AGAP1: variants seen among roughly 807,000 people sequenced by gnomAD.
AGAP1 encodes arf-GAP with GTPase, ANK repeat and PH domain-containing protein 1.
AGAP1 carries 29 observed loss-of-function variants against 105.3 expected under a neutral mutation model. The ratio of observed to expected loss-of-function variants is 0.28; its 90% CI spans 0.21 to 0.38. The LOEUF (loss-of-function observed/expected upper bound fraction) is 0.38. Ranked by LOEUF, AGAP1 falls within the 10% of genes least tolerant of loss-of-function variation. The probability of loss-of-function intolerance (pLI) is 1.00; values close to 1 mark genes in which losing one functional copy is unlikely to be tolerated. For synonymous variants in AGAP1, 509 were observed against 485.9 expected, an observed-to-expected ratio of 1.05 and a Z score of -0.63; for missense variants, 998 against 1,165.1, an observed-to-expected ratio of 0.86 and a Z score of 2.09.
At chr2:235,629,955 TA>T (rs1457765029) in intron 1 of AGAP1, among the ~76,000 whole-genome samples, 1 of 152,136 alleles carries the variant, frequency 6.6e-6, no homozygotes, top group African/African-American at 2.4e-5. Flanking sequence ...CAGAGATTTT[TA>T]TGATGCTTTA....
Position 235,979,428 on chromosome 2 carries a change from C to T in AGAP1, c.1645+10805C>T, listed in dbSNP as rs1053151050. Among the ~76,000 whole-genome samples the T allele has an allele frequency of 2.0e-5, 3 of 152,130 alleles. No individual in the cohort carries two copies. The highest frequency in any genetic ancestry group is 6.5e-5 in the Admixed American group (1 of 15,276). On this transcript the variant is annotated intron_variant, in intron 13 of 17. Coordinates refer to ENST00000304032, the MANE Select transcript of AGAP1 (RefSeq NM_001037131.3). This position sits in a 1 kb window ranked among gnomAD's most constrained non-coding sequence, Gnocchi z 4.5. Reference sequence around the variant, plus strand: ...CGGGGTCCGATCATAGTTACTGACTCGCGCTCATTTTATCAAGATGTATTA... The same window carrying T: ...CGGGGTCCGATCATAGTTACTGACTTGCGCTCATTTTATCAAGATGTATTA...
chr2:235,598,422 T>C (rs946142065), intron 1 of AGAP1, among the ~76,000 whole-genome samples: 1 of 152,344 alleles, frequency 6.6e-6, no homozygotes, highest in African/African-American at 2.4e-5. Context: ...GTGATGTTTT[T>C]GTGACCAGAA....
In AGAP1 at chr2:236,078,688, C is replaced by T. The variant is rs1443395979; in HGVS notation, c.2114+29407C>T. Among the ~76,000 whole-genome samples the T allele has an allele frequency of 6.6e-6, 1 of 152,200 alleles. No individual in the cohort carries two copies. The highest frequency in any genetic ancestry group is 1.5e-5 in the Non-Finnish European group (1 of 68,038). On this transcript the variant is annotated intron_variant, in intron 16 of 17. Transcript: ENST00000304032. The surrounding 1 kb of genome is among the most constrained non-coding windows in gnomAD (Gnocchi z 5.3). ...GATGGGTTTCACACACGTCTGTCCC[C>T]TACCTGGCTCCTGTGGCTGGGTGCT...
chr2:235,966,324 G>A (rs1280389400), intron 12 of AGAP1, among the ~76,000 whole-genome samples: 1 of 151,032 alleles, frequency 6.6e-6, no homozygotes, highest in Non-Finnish European at 1.5e-5. Context: ...TTCCTCTGGG[G>A]ATGGAGAGAG....
intron 6 of AGAP1, among the ~76,000 whole-genome samples, chr2:235,766,345 T>A (rs1187760990): frequency 6.6e-6 from 1 of 152,196 alleles, no homozygotes; most frequent in African/African-American, 2.4e-5. Flanking sequence ...GTATGGCCCA[T>A]GAAGCACAGT....
At chr2:235,790,255 A>G (rs1956894354) in intron 6 of AGAP1, among the ~76,000 whole-genome samples, 1 of 152,216 alleles carries the variant, frequency 6.6e-6, no homozygotes. Context: ...TCACCTTATC[A>G]GAACTCATTT....
intron 9 of AGAP1, among the ~76,000 whole-genome samples, chr2:235,837,530 C>A (rs915170320): frequency 2.6e-5 from 4 of 151,936 alleles, no homozygotes; most frequent in African/African-American, 9.7e-5. Flanking sequence ...TCAGGCAAAC[C>A]CCTAGACCTC....
chr2:236,035,651 A>G lies in AGAP1; in HGVS notation c.1646-910A>G, dbSNP rs537199856. On this transcript the variant is annotated intron_variant, in intron 13 of 17. Coordinates refer to ENST00000304032, the MANE Select transcript of AGAP1 (RefSeq NM_001037131.3). The surrounding 1 kb of genome is among the most constrained non-coding windows in gnomAD (Gnocchi z 4.2). ...AAACAGTTCTTCGTGGTTGTATGCAATTAGTTATGCTTTTTGCCAGTGGTG... is the reference window on the plus strand; with the variant it reads ...AAACAGTTCTTCGTGGTTGTATGCAGTTAGTTATGCTTTTTGCCAGTGGTG... Among the ~76,000 whole-genome samples the G allele has an allele frequency of 3.9e-5, 6 of 152,260 alleles. No homozygotes were observed. The East Asian group carries it at 5.8e-4, about 15-fold the overall frequency.
Position 235,663,334 on chromosome 2 carries a change from C to G in AGAP1, c.164-45845C>G, listed in dbSNP as rs890856291. Among the ~76,000 whole-genome samples, 1 of 152,126 alleles carries G rather than the reference C, an allele frequency of 6.6e-6. No homozygotes were observed. The highest frequency in any genetic ancestry group is 6.5e-5 in the Admixed American group (1 of 15,270). On this transcript the variant is annotated intron_variant, in intron 1 of 17. Transcript: ENST00000304032. This position sits in a 1 kb window ranked among gnomAD's most constrained non-coding sequence, Gnocchi z 5.4. ...CAAAAAAAAAGAAGGGGAGCGATCACGTGCATCCCTCTGCTGAGATGGGAG... is the reference window on the plus strand; with the variant it reads ...CAAAAAAAAAGAAGGGGAGCGATCAGGTGCATCCCTCTGCTGAGATGGGAG...
rs780008908 is a variant in AGAP1 at position 236,070,505 on chromosome 2, C to T, written c.2114+21224C>T. On this transcript the variant is annotated intron_variant, in intron 16 of 17. Coordinates refer to ENST00000304032, the MANE Select transcript of AGAP1 (RefSeq NM_001037131.3). Reference sequence around the variant, plus strand: ...GAAACTTGCACATAAATGTTCATGGCAGCATCGTTCCTATTAGCTACACAG... The same window carrying T: ...GAAACTTGCACATAAATGTTCATGGTAGCATCGTTCCTATTAGCTACACAG... 9.8e-5 allele frequency among the ~76,000 whole-genome samples: 15 copies of T among 152,348 alleles called. No individual in the cohort carries two copies. In the Middle Eastern group the frequency reaches 0.041, roughly 415 times the overall value.
chr2:235,502,653 T>C (rs1941611698), intron 1 of AGAP1, among the ~76,000 whole-genome samples: 1 of 151,924 alleles, frequency 6.6e-6, no homozygotes, highest in Admixed American at 6.6e-5. Flanking sequence ...AAACTGCTCA[T>C]GCCGTCTGGT....
At chr2:235,554,099 A>G (rs1943898532) in intron 1 of AGAP1, among the ~76,000 whole-genome samples, 1 of 152,240 alleles carries the variant, frequency 6.6e-6, no homozygotes, top group Non-Finnish European at 1.5e-5. Context: ...GTGATCTTCA[A>G]AAATAGAAAG....
At chr2:235,717,499 G>T in intron 2 of AGAP1, 58 bp from the exon 3 acceptor site, 1 of 1,470,788 alleles carries the variant, frequency 6.8e-7, no homozygotes, top group Non-Finnish European at 9.2e-7. Context: ...CTTAGTATTT[G>T]CAAAATGCCA....
chr2:235,770,071 A>G (rs2149839968), intron 6 of AGAP1, among the ~76,000 whole-genome samples: 1 of 152,144 alleles, frequency 6.6e-6, no homozygotes, highest in East Asian at 1.9e-4. Flanking sequence ...AAAATCACCT[A>G]TAATCCCACC....
At chr2:236,025,908 G>A (rs571360357) in intron 13 of AGAP1, among the ~76,000 whole-genome samples, 5 of 100,364 alleles carry the variant, frequency 5.0e-5, no homozygotes, top group Non-Finnish European at 7.7e-5. Flanking sequence ...TCTCGGGTGG[G>A]TGGATGGATG....
chr2:235,759,935 T>C (rs1954296253), intron 6 of AGAP1, among the ~76,000 whole-genome samples: 1 of 152,096 alleles, frequency 6.6e-6, no homozygotes, highest in African/African-American at 2.4e-5. Flanking sequence ...AAATGAAAAA[T>C]ACTTTTGAGT....
At chr2:235,676,781 ATTAAC>A (rs774605641) in intron 1 of AGAP1, among the ~76,000 whole-genome samples, 16 of 152,236 alleles carry the variant, frequency 1.1e-4, no homozygotes, top group African/African-American at 1.9e-4. Flanking sequence ...AAACAATTAT[ATTAAC>A]TTAAAATGAT....
rs1246191984 is a variant in AGAP1, at chr2:235,728,336, TAAATC to T, written c.310+10695_310+10699del. Among the ~76,000 whole-genome samples, 4 of 152,034 alleles carry T rather than the reference TAAATC, an allele frequency of 2.6e-5. No individual in the cohort carries two copies. Among genetic ancestry groups the T allele is most frequent in the Middle Eastern group, 3.4e-3 (1 of 294 alleles). On this transcript the variant is annotated intron_variant, in intron 3 of 17. Coordinates refer to ENST00000304032, the MANE Select transcript of AGAP1 (RefSeq NM_001037131.3). This position sits in a 1 kb window ranked among gnomAD's most constrained non-coding sequence, Gnocchi z 4.3. Reference sequence around the variant, plus strand: ...GTGTGTGTGTGTGTGTGCGTGCTCTTAAATCAATGTAAATTAGGCTATATACAGCT... The same window carrying T: ...GTGTGTGTGTGTGTGTGCGTGCTCTTAATGTAAATTAGGCTATATACAGCT...
chr2:235,761,664 G>A (rs908403159), intron 6 of AGAP1, among the ~76,000 whole-genome samples: 2 of 152,152 alleles, frequency 1.3e-5, no homozygotes, highest in Non-Finnish European at 2.9e-5. Flanking sequence ...AAGTAGTGAT[G>A]TACTTTTTGA....
Sources: allele counts gnomAD v4.1 joint callset (sites outside exome capture counted in the v4.1 genomes callset), GRCh38; gene constraint gnomAD v4.1.1; non-coding constraint Gnocchi (gnomAD v3.1); transcripts MANE v1.5; gene names NCBI Gene and HGNC (gene_info 2026-07-23, HGNC 2026-07-21).